The following MACROH2A1 variants were observed in gnomAD, a reference collection of about 807,000 sequenced individuals.
MACROH2A1 encodes the protein core histone macro-H2A.1.
A neutral mutation model predicts 31.6 loss-of-function variants in MACROH2A1; 2 were observed. That is an observed-to-expected ratio of 0.06 (90% CI 0.03 to 0.20). MACROH2A1 has a LOEUF of 0.20. Ranked by LOEUF, MACROH2A1 falls within the 10% of genes least tolerant of loss-of-function variation. The probability of loss-of-function intolerance (pLI) is 1.00; values close to 1 mark genes in which losing one functional copy is unlikely to be tolerated. For synonymous variants in MACROH2A1, 169 were observed against 189.6 expected, an observed-to-expected ratio of 0.89 and a Z score of 0.89; for missense variants, 230 against 474.0, an observed-to-expected ratio of 0.49 and a Z score of 4.78.
chr5:135,350,862 G>T, intron 6 of MACROH2A1: 2 of 1,613,366 alleles, frequency 1.2e-6, no homozygotes, highest in Non-Finnish European at 1.7e-6. Context: ...TTTGTCGGGT[G>T]AACGACAGCA....
intron 4 of MACROH2A1, among the ~76,000 whole-genome samples, chr5:135,363,674 C>T (rs891656051): frequency 3.3e-5 from 5 of 152,186 alleles, no homozygotes; most frequent in Non-Finnish European, 5.9e-5. Context: ...TGATTTATAA[C>T]CCTTTGGGTA....
chr5:135,347,230 A>G (rs1242044126), intron 6 of MACROH2A1: 1 of 152,224 alleles, frequency 6.6e-6, no homozygotes, highest in African/African-American at 2.4e-5. Flanking sequence ...CCTCCTTTGA[A>G]TGTTTGTTCT....
In MACROH2A1 at chr5:135,337,917, T is replaced by C. The variant is rs1471794986; in HGVS notation, c.954-2776A>G. Reference sequence around the variant, plus strand: ...GGACAACCCTTTGTTGACAAATCCATCCCTCTGTCCTAGGAAGCTACAGCC... The same window carrying C: ...GGACAACCCTTTGTTGACAAATCCACCCCTCTGTCCTAGGAAGCTACAGCC... On this transcript the variant is annotated intron_variant, in intron 8 of 8. Coordinates refer to ENST00000511689, the MANE Select transcript of MACROH2A1 (RefSeq NM_138610.3). 6.4e-6 allele frequency: 7 copies of C among 1,093,664 alleles called. No homozygotes were observed. In the African/African-American group the frequency reaches 1.0e-4, roughly 16 times the overall value. The allele number at this position is 1,093,664 out of a possible 1,614,324, so 67.7% of individuals were successfully genotyped here. A position where few individuals can be genotyped will look rare whatever the true frequency, so the allele number is the denominator to read the frequency against.
intron 2 of MACROH2A1, among the ~76,000 whole-genome samples, chr5:135,373,309 T>G (rs1447799511): frequency 6.6e-6 from 1 of 151,286 alleles, no homozygotes; most frequent in Non-Finnish European, 1.5e-5. Context: ...ACCTGAAGAG[T>G]GTGGTTGGGC....
At chr5:135,343,039 C>T in intron 8 of MACROH2A1, 1 of 1,052,302 alleles carries the variant, frequency 9.5e-7, no homozygotes, top group Non-Finnish European at 1.3e-6. Flanking sequence ...ATGACATTTG[C>T]TATCAAAACT....
intron 2 of MACROH2A1, among the ~76,000 whole-genome samples, chr5:135,387,132 T>G (rs1766523933): frequency 6.6e-6 from 1 of 152,182 alleles, no homozygotes; most frequent in South Asian, 2.1e-4. Context: ...GTTTCCTATC[T>G]AGCAACTTCT....
intron 2 of MACROH2A1, 99 bp downstream of exon 2, chr5:135,388,823 G>T (rs924100230): frequency 5.1e-6 from 5 of 988,214 alleles, no homozygotes; most frequent in Non-Finnish European, 7.5e-6. Flanking sequence ...GTAGGTTTGA[G>T]CTGTTTCAAA....
intron 4 of MACROH2A1, among the ~76,000 whole-genome samples, chr5:135,365,883 G>A (rs1056670231): frequency 6.6e-6 from 1 of 152,178 alleles, no homozygotes; most frequent in Non-Finnish European, 1.5e-5. Flanking sequence ...CTTGTAGAAG[G>A]GTGATGATAT....
At chr5:135,380,674 C>G (rs535908576) in intron 2 of MACROH2A1, among the ~76,000 whole-genome samples, 7 of 152,324 alleles carry the variant, frequency 4.6e-5, no homozygotes, top group African/African-American at 1.7e-4. Context: ...CAAAGATCCT[C>G]ATATTCTCCC....
Position 135,383,695 on chromosome 5 carries a change from GGTGTGGTGTGTGTGTGTGTGT to G in MACROH2A1, c.172+5206_172+5226del, listed in dbSNP as rs1314559566. ...TAATTGTCCCTTTCCTGTGTGATGT[GGTGTGGTGTGTGTGTGTGTGT>G]GTGTGTGTGTGTGTGTGTGTGTGTG... On this transcript the variant is annotated intron_variant, in intron 2 of 8. Transcript: ENST00000511689. Among the ~76,000 whole-genome samples the G allele has an allele frequency of 4.9e-4, 72 of 146,286 alleles. 2 individuals carry two copies. Among genetic ancestry groups the G allele is most frequent in the African/African-American group, 1.8e-3 (71 of 39,226 alleles).
At chr5:135,394,268 G>T (rs1211344198) in intron 1 of MACROH2A1, among the ~76,000 whole-genome samples, 1 of 152,178 alleles carries the variant, frequency 6.6e-6, no homozygotes, top group Non-Finnish European at 1.5e-5. Context: ...CTAGCCCTTT[G>T]TCTGGAGTAA....
At chr5:135,355,102 C>T (rs754669960) in intron 5 of MACROH2A1, 88 of 456,024 alleles carry the variant, frequency 1.9e-4, no homozygotes, top group Admixed American at 4.9e-4. Context: ...GCTATTTTGG[C>T]GGGCTCTGCT....
At chr5:135,394,470 C>T (rs186501143) in intron 1 of MACROH2A1, among the ~76,000 whole-genome samples, 1 of 152,318 alleles carries the variant, frequency 6.6e-6, no homozygotes, top group African/African-American at 2.4e-5. Context: ...ACCAGAGATC[C>T]ACCGGGATGA....
Position 135,369,319 on chromosome 5 carries a change from C to G in MACROH2A1, c.477+87G>C. On this transcript the variant is annotated intron_variant, in intron 4 of 8. Transcript: ENST00000511689. The surrounding 1 kb of genome is among the most constrained non-coding windows in gnomAD (Gnocchi z 4.3). The stretch of plus-strand genomic sequence containing the variant: ...TTCTCCCATCAGTGGGATGAGCCCA[C>G]AGGGGGAATGAGGGGGGTGCCCTGG... 9.3e-7 allele frequency: 1 copy of G among 1,070,474 alleles called. No individual in the cohort carries two copies. The highest frequency in any genetic ancestry group is 1.7e-5 in the Admixed American group (1 of 57,290). 66.3% of individuals were successfully genotyped at this position (1,070,474 alleles called of 1,614,324 possible).
chr5:135,342,711 A>C (rs568535571), intron 8 of MACROH2A1, among the ~76,000 whole-genome samples: 96 of 152,294 alleles, frequency 6.3e-4, no homozygotes, highest in Non-Finnish European at 1.1e-3. Flanking sequence ...ACCAGGTCCC[A>C]TTACCTCATT....
intron 2 of MACROH2A1, among the ~76,000 whole-genome samples, chr5:135,379,137 G>A (rs1444959971): frequency 6.6e-6 from 1 of 152,194 alleles, no homozygotes; most frequent in Non-Finnish European, 1.5e-5. Context: ...CAGAGGCCTT[G>A]GGTTTGTTTC....
intron 6 of MACROH2A1, among the ~76,000 whole-genome samples, chr5:135,351,731 T>C (rs1165108742): frequency 6.6e-6 from 1 of 150,838 alleles, no homozygotes; most frequent in Non-Finnish European, 1.5e-5. Flanking sequence ...CCCAGCTAAG[T>C]TTTTTATTTT....
chr5:135,363,418 T>C (rs1763100686), intron 4 of MACROH2A1, among the ~76,000 whole-genome samples: 1 of 152,228 alleles, frequency 6.6e-6, no homozygotes, highest in Non-Finnish European at 1.5e-5. Context: ...TGTGAGGTGT[T>C]AACACATTCA....
At chr5:135,351,906 T>G (rs908236819) in intron 6 of MACROH2A1, among the ~76,000 whole-genome samples, 1 of 149,864 alleles carries the variant, frequency 6.7e-6, no homozygotes, top group Non-Finnish European at 1.5e-5. Flanking sequence ...AATCCTTGCT[T>G]TTTCTAGCTT....
Sources: gnomAD v4.1 joint callset for allele counts (sites outside exome capture counted in the v4.1 genomes callset) on GRCh38, gnomAD v4.1.1 for gene constraint, Gnocchi (gnomAD v3.1) non-coding constraint, MANE v1.5 for transcripts, NCBI Gene and HGNC (gene_info 2026-07-23, HGNC 2026-07-21) for gene names.